Variants in CACNA1C observed in about 807,000 individuals in gnomAD.
The protein encoded by CACNA1C is voltage-dependent L-type calcium channel subunit alpha-1C.
In CACNA1C, 30 loss-of-function variants were observed where a neutral mutation model predicts 229.0. The ratio of observed to expected loss-of-function variants is 0.13; its 90% CI spans 0.10 to 0.18. CACNA1C has a LOEUF of 0.18. Among genes scored for constraint, CACNA1C ranks in the 10% least tolerant of loss-of-function variants. CACNA1C has a pLI of 1.00. For missense variants in CACNA1C, 1,658 were observed against 2,845.0 expected (o/e 0.58, Z 9.49); for synonymous variants, 1,114 against 1,132.5 (o/e 0.98, Z 0.33).
intron 34 of CACNA1C, chr12:2,660,346 A>G (rs2095643948): frequency 6.6e-6 from 1 of 152,162 alleles, no homozygotes; most frequent in East Asian, 1.9e-4. Flanking sequence ...TGGGGTCCAA[A>G]AGAGATGGCA....
chr12:2,440,314 T>C (rs1477406670), intron 3 of CACNA1C, among the ~76,000 whole-genome samples: 2 of 152,156 alleles, frequency 1.3e-5, no homozygotes, highest in Admixed American at 6.5e-5. Flanking sequence ...TAACCCGTAA[T>C]CTACTGTGTG....
chr12:2,193,782 A>G lies in CACNA1C; in HGVS notation c.477+73352A>G, dbSNP rs567313981. Among the ~76,000 whole-genome samples the G allele has an allele frequency of 8.5e-4, 129 of 152,350 alleles. No individual in the cohort carries two copies. In the South Asian group the frequency reaches 8.7e-3, roughly 10 times the overall value. ...CTATGTGGGGAAGATTATGATTGGA[A>G]GGAAGGTTTTTCTTAGAGCTGCCAG... On this transcript the variant is annotated intron_variant, in intron 3 of 46. Coordinates refer to ENST00000399655, the MANE Select transcript of CACNA1C (RefSeq NM_000719.7).
chr12:2,538,826 G>C (rs958996031), intron 9 of CACNA1C, among the ~76,000 whole-genome samples: 2 of 152,236 alleles, frequency 1.3e-5, no homozygotes, highest in Non-Finnish European at 2.9e-5. Flanking sequence ...TTCTGAAAGA[G>C]AAAATTAAAT....
At chr12:2,507,357 C>G (rs1394697395) in intron 8 of CACNA1C, among the ~76,000 whole-genome samples, 8 of 152,188 alleles carry the variant, frequency 5.3e-5, no homozygotes, top group Non-Finnish European at 4.4e-5. Context: ...GTGTCAAGGG[C>G]TGGCCACTCT....
In CACNA1C at chr12:2,585,430, A is replaced by G. The variant is rs1187672149; in HGVS notation, c.2394A>G (p.Glu798=). Residue 798 remains glutamate (E), a synonymous_variant, in exon 17 of 47, where the codon GAA becomes GAG. Coordinates refer to ENST00000399655, the MANE Select transcript of CACNA1C (RefSeq NM_000719.7). The surrounding 1 kb of genome is among the most constrained non-coding windows in gnomAD (Gnocchi z 4.1). ...TGGTGGAGAAGCCGGCAGTGGGGGA[A>G]TCCAAGGAGGAGAAGATTGAGCTGA... The part of the protein sequence containing the change: ...QELVEKPAVG[E]SKEEKIELKS... 1.5e-5 allele frequency: 24 copies of G among 1,608,408 alleles called. No individual in the cohort carries two copies. Among genetic ancestry groups the G allele is most frequent in the Non-Finnish European group, 1.9e-5 (22 of 1,177,152 alleles).
intron 3 of CACNA1C, among the ~76,000 whole-genome samples, chr12:2,360,413 G>A (rs1224199901): frequency 6.6e-6 from 1 of 152,126 alleles, no homozygotes; most frequent in Non-Finnish European, 1.5e-5. Flanking sequence ...TGGACGCTGG[G>A]GCATCAAAGC....
intron 3 of CACNA1C, among the ~76,000 whole-genome samples, chr12:2,418,793 G>A (rs1310837862): frequency 6.6e-6 from 1 of 152,136 alleles, no homozygotes; most frequent in African/African-American, 2.4e-5. Context: ...CCTGACACGA[G>A]CCAGGTTTAG....
At chr12:2,006,729 G>C (rs1354874991) in intron 1 of CACNA1C, among the ~76,000 whole-genome samples, 2 of 152,204 alleles carry the variant, frequency 1.3e-5, no homozygotes, top group South Asian at 2.1e-4. Flanking sequence ...ACTTCCCAGT[G>C]GGGAAGAATA....
intron 30 of CACNA1C, among the ~76,000 whole-genome samples, chr12:2,635,303 C>G (rs1255106776): frequency 6.6e-6 from 1 of 152,192 alleles, no homozygotes; most frequent in African/African-American, 2.4e-5. Context: ...CTGCACATGT[C>G]TTTTCTGTTA....
chr12:2,283,102 C>T (rs2091849223), intron 3 of CACNA1C, among the ~76,000 whole-genome samples: 1 of 151,992 alleles, frequency 6.6e-6, no homozygotes, highest in African/African-American at 2.4e-5. Flanking sequence ...ACACAAGGAT[C>T]CCCTGGGAAT....
intron 1 of CACNA1C, among the ~76,000 whole-genome samples, chr12:2,031,413 T>C (rs1026181751): frequency 6.6e-6 from 1 of 152,156 alleles, no homozygotes; most frequent in African/African-American, 2.4e-5. Flanking sequence ...GCACGGTGAA[T>C]GGGGGGCTGT....
intron 3 of CACNA1C, among the ~76,000 whole-genome samples, chr12:2,139,006 C>T (rs1306539991): frequency 2.7e-5 from 4 of 150,434 alleles, no homozygotes; most frequent in Admixed American, 6.7e-5. Context: ...TACTCATCTG[C>T]GTCTCTCAGT....
intron 3 of CACNA1C, among the ~76,000 whole-genome samples, chr12:2,374,820 A>G (rs772834444): frequency 1.3e-5 from 2 of 152,230 alleles, no homozygotes; most frequent in Non-Finnish European, 2.9e-5. Flanking sequence ...CACAGCCGGG[A>G]AAGCAAACAA....
chr12:2,540,312 C>G lies in CACNA1C; in HGVS notation c.1391-9631C>G, dbSNP rs150081200. Among the ~76,000 whole-genome samples, 1,018 of 152,120 alleles carry G rather than the reference C, an allele frequency of 6.7e-3. 9 individuals carry two copies. The highest frequency in any genetic ancestry group is 0.023 in the African/African-American group (966 of 41,494). ...TGTTATTCTAGGGAGAGGGTGAAAC[C>G]AAAACACAGATCCAGGTTTTTACTT... On this transcript the variant is annotated intron_variant, in intron 9 of 46. Transcript: ENST00000399655.
chr12:2,088,308 C>T (rs2154070537), intron 1 of CACNA1C, among the ~76,000 whole-genome samples: 1 of 152,252 alleles, frequency 6.6e-6, no homozygotes, highest in South Asian at 2.1e-4. Flanking sequence ...GTACCCTCTG[C>T]TGGGTTGGAG....
chr12:2,126,017 C>T (rs1053761285), intron 3 of CACNA1C, among the ~76,000 whole-genome samples: 5 of 152,278 alleles, frequency 3.3e-5, no homozygotes, highest in African/African-American at 1.2e-4. Context: ...GCAAACGCAT[C>T]GGCTTCCACC....
chr12:2,663,842 C>T (rs1384937138), intron 34 of CACNA1C, among the ~76,000 whole-genome samples: 6 of 147,560 alleles, frequency 4.1e-5, no homozygotes, highest in East Asian at 4.1e-4. Context: ...CCCGGGTTCA[C>T]GCCATTCTCC....
At chr12:2,472,043 TTCTC>T (rs1179097588) in intron 5 of CACNA1C, among the ~76,000 whole-genome samples, 1 of 152,246 alleles carries the variant, frequency 6.6e-6, no homozygotes, top group Non-Finnish European at 1.5e-5. Flanking sequence ...TTTTAAAATT[TTCTC>T]TCTCAGTTTT....
chr12:2,478,298 G>A (rs974165298), intron 5 of CACNA1C, among the ~76,000 whole-genome samples: 1 of 152,120 alleles, frequency 6.6e-6, no homozygotes, highest in Non-Finnish European at 1.5e-5. Flanking sequence ...GTCACTGCTT[G>A]AGAGCATCTG....
Sources: gnomAD v4.1 joint callset for allele counts (sites outside exome capture counted in the v4.1 genomes callset) on GRCh38, gnomAD v4.1.1 for gene constraint, Gnocchi (gnomAD v3.1) non-coding constraint, MANE v1.5 for transcripts, NCBI Gene and HGNC (gene_info 2026-07-23, HGNC 2026-07-21) for gene names.